Variants in LPIN1 observed in about 807,000 individuals in gnomAD.
LPIN1 encodes the protein lipin 1.
LPIN1 carries 71 observed loss-of-function variants against 107.5 expected under a neutral mutation model. That is an observed-to-expected ratio of 0.66 (90% CI 0.55 to 0.80). LPIN1 has a LOEUF of 0.80. Ranked by LOEUF, LPIN1 falls within the 30% of genes least tolerant of loss-of-function variation. The pLI is 0.00. For synonymous variants in LPIN1, 445 were observed against 452.6 expected (o/e 0.98, Z 0.21); for missense variants, 1,043 against 1,160.6 (o/e 0.90, Z 1.47).
At chr2:11,768,669 G>A (rs567182937) in intron 3 of LPIN1, among the ~76,000 whole-genome samples, 119 of 152,188 alleles carry the variant, frequency 7.8e-4, no homozygotes, top group Admixed American at 2.7e-3. Context: ...GGGCATGGTG[G>A]CTCACGCCTG....
intron 14 of LPIN1, among the ~76,000 whole-genome samples, chr2:11,800,647 T>C (rs546292428): frequency 2.6e-5 from 4 of 152,156 alleles, no homozygotes; most frequent in East Asian, 1.9e-4. Flanking sequence ...TGAACACTTA[T>C]GGGGTCAGAA....
Position 11,765,192 on chromosome 2 carries a change from G to GATGGACAC in LPIN1, c.-9-341_-9-340insATGGACAC, listed in dbSNP as rs1670609787. 6.6e-6 allele frequency among the ~76,000 whole-genome samples: 1 copy of GATGGACAC among 151,538 alleles called. No individual in the cohort carries two copies. The highest frequency in any genetic ancestry group is 2.1e-4 in the South Asian group (1 of 4,792). ...GGGCCGTGATGGACCCTGATGGGCTGTGATGGTCCGTGATGGGCCATGATG... is the reference window on the plus strand; with the variant it reads ...GGGCCGTGATGGACCCTGATGGGCTGATGGACACTGATGGTCCGTGATGGGCCATGATG... On this transcript the variant is annotated intron_variant, in intron 1 of 20. Coordinates refer to ENST00000674199, the MANE Select transcript of LPIN1 (RefSeq NM_001349206.2). The surrounding 1 kb of genome is among the most constrained non-coding windows in gnomAD (Gnocchi z 4.4).
chr2:11,759,203 T>G (rs945623037), intron 1 of LPIN1, among the ~76,000 whole-genome samples: 1 of 150,614 alleles, frequency 6.6e-6, no homozygotes, highest in Non-Finnish European at 1.5e-5. Context: ...TCTTTCTTTC[T>G]TTCTCATTCT....
chr2:11,716,227 C>A (rs1403492311), intron 2 of LPIN1, among the ~76,000 whole-genome samples: 1 of 152,138 alleles, frequency 6.6e-6, no homozygotes, highest in African/African-American at 2.4e-5. Flanking sequence ...GGGCATCAGG[C>A]AGGCTTCCAA....
chr2:11,794,224 T>C (rs567086882), intron 13 of LPIN1, among the ~76,000 whole-genome samples: 489 of 152,344 alleles, frequency 3.2e-3, no homozygotes, highest in Non-Finnish European at 5.5e-3. Context: ...CTGGTTTTCT[T>C]ACTAGAGAGC....
In LPIN1 at chr2:11,787,074, A is replaced by T. The variant is rs1378216409; in HGVS notation, c.1550A>T (p.Asp517Val). The change falls in exon 11 of 21, where the codon GAT (aspartate) becomes GTT (valine). Residue 517 changes from aspartate (D) to valine (V), a missense_variant and splice_region_variant. Transcript: ENST00000674199. ...TGATCCTCTGCAATTGCTGTCACAGATGCATTCCTGGAGCAAGCTGTGTCA... is the reference window on the plus strand; with the variant it reads ...TGATCCTCTGCAATTGCTGTCACAGTTGCATTCCTGGAGCAAGCTGTGTCA... Reference protein sequence around the residue: ...GLSDHREITKDAFLEQAVSYQ... With the variant: ...GLSDHREITKVAFLEQAVSYQ... The T allele has an allele frequency of 6.2e-7, 1 of 1,608,008 alleles. No homozygotes were observed. The highest frequency in any genetic ancestry group is 1.7e-5 in the Admixed American group (1 of 60,028).
intron 7 of LPIN1, among the ~76,000 whole-genome samples, chr2:11,781,788 C>G (rs1053096742): frequency 6.6e-6 from 1 of 152,210 alleles, no homozygotes; most frequent in African/African-American, 2.4e-5. Context: ...CTCAGACTGA[C>G]CCCTCTGCTC....
rs1008114717 is a variant in LPIN1, at chr2:11,787,312, C to T, written c.1643+145C>T. 2.2e-5 allele frequency: 15 copies of T among 666,792 alleles called. No homozygotes were observed. In the African/African-American group the frequency reaches 2.5e-4, roughly 11 times the overall value. The allele number at this position is 666,792 out of a possible 1,614,324, so 41.3% of individuals were successfully genotyped here. A position where few individuals can be genotyped will look rare whatever the true frequency, so the allele number is the denominator to read the frequency against. ...ATTATTGCATTATCTTCACTGTGGT[C>T]AGGGTTCCATGCCAATAGAATTGGC... On this transcript the variant is annotated intron_variant, in intron 11 of 20. Transcript: ENST00000674199.
At chr2:11,693,179 G>T (rs1466774048) in intron 1 of LPIN1, among the ~76,000 whole-genome samples, 1 of 151,582 alleles carries the variant, frequency 6.6e-6, no homozygotes, top group East Asian at 1.9e-4. Flanking sequence ...TGGTCCAAAG[G>T]TCTGTCAGAA....
rs747909000 is a variant in LPIN1 at position 11,826,826 on chromosome 2, T to G, written c.*2035T>G. 3.9e-5 allele frequency: 6 copies of G among 152,308 alleles called. No homozygotes were observed. The highest frequency in any genetic ancestry group is 8.8e-5 in the Non-Finnish European group (6 of 68,036). 9.4% of individuals were successfully genotyped at this position (152,308 alleles called of 1,614,324 possible). On this transcript the variant is annotated 3_prime_UTR_variant, in exon 21 of 21. Coordinates refer to ENST00000674199, the MANE Select transcript of LPIN1 (RefSeq NM_001349206.2). ...GGATGCAATTTTGGATCCCGAATTTTGATGTACCTTAAACTTCCACATCAC... is the reference window on the plus strand; with the variant it reads ...GGATGCAATTTTGGATCCCGAATTTGGATGTACCTTAAACTTCCACATCAC...
At chr2:11,709,000 G>T (rs1281905459) in intron 1 of LPIN1, among the ~76,000 whole-genome samples, 1 of 152,058 alleles carries the variant, frequency 6.6e-6, no homozygotes, top group African/African-American at 2.4e-5. Flanking sequence ...TAAATGAATT[G>T]CTCAAGACCA....
At chr2:11,717,718 T>G (rs1244729549) in intron 2 of LPIN1, among the ~76,000 whole-genome samples, 1 of 152,000 alleles carries the variant, frequency 6.6e-6, no homozygotes, top group Non-Finnish European at 1.5e-5. Context: ...TCTAAGAGCA[T>G]TAGAAATAAT....
intron 1 of LPIN1, among the ~76,000 whole-genome samples, chr2:11,683,610 G>T (rs1313104279): frequency 6.6e-6 from 1 of 152,202 alleles, no homozygotes; most frequent in Admixed American, 6.5e-5. Flanking sequence ...GCCCTTCTTT[G>T]TCCCTGCCTC....
chr2:11,824,671 G>A lies in LPIN1; in HGVS notation c.2661G>A (p.Pro887=), dbSNP rs114931326. 1.3e-3 allele frequency: 2,168 copies of A among 1,614,032 alleles called. 3 individuals are homozygous for A. The highest frequency in any genetic ancestry group is 1.7e-3 in the Non-Finnish European group (2,056 of 1,180,002). ...RLCEVVDHVF[P]LLKRSHSSDF... ...GTGAAGTAGTCGACCACGTTTTCCC[G>A]TTGCTGAAAAGAAGCCATTCTTCAG... is the stretch of plus-strand genomic sequence containing the variant. The change falls in exon 21 of 21, where the codon CCG becomes CCA. Residue 887 remains proline, a synonymous_variant. Transcript: ENST00000674199.
At chr2:11,804,253 CG>C (rs1454994186) in intron 15 of LPIN1, among the ~76,000 whole-genome samples, 169 bp from the exon 16 acceptor site, 1 of 152,036 alleles carries the variant, frequency 6.6e-6, no homozygotes, top group African/African-American at 2.4e-5. Flanking sequence ...TGTCCAGCCC[CG>C]GAAAGAACCA....
intron 9 of LPIN1, 96 bp downstream of exon 9, chr2:11,784,018 A>C: frequency 6.3e-7 from 1 of 1,598,896 alleles, no homozygotes; most frequent in Non-Finnish European, 8.5e-7. Flanking sequence ...GAAAGTGTGC[A>C]AGACAGCTGG....
exon 1 of LPIN1, chr2:11,677,614 G>C (rs1313936178): frequency 6.8e-7 from 1 of 1,471,494 alleles, no homozygotes; most frequent in Non-Finnish European, 9.2e-7. Flanking sequence ...CTGATGCTGG[G>C]TGAGGAGGCA....
rs946253390 is a variant in LPIN1, at chr2:11,765,151, C to A, written c.-9-382C>A. Among the ~76,000 whole-genome samples, 1 of 151,274 alleles carries A rather than the reference C, an allele frequency of 6.6e-6. No individual in the cohort carries two copies. The highest frequency in any genetic ancestry group is 2.4e-5 in the African/African-American group (1 of 41,076). ...TGGGCCGTAATGGGCCATGATGGAC[C>A]GTGATGGGCCGTAACGGGCCGTGAT... On this transcript the variant is annotated intron_variant, in intron 1 of 20. Transcript: ENST00000674199. The surrounding 1 kb of genome is among the most constrained non-coding windows in gnomAD (Gnocchi z 4.4).
chr2:11,739,781 A>G (rs1666149674), intron 1 of LPIN1, among the ~76,000 whole-genome samples: 1 of 152,268 alleles, frequency 6.6e-6, no homozygotes, highest in Admixed American at 6.5e-5. Context: ...AGAAAAATCA[A>G]TCAATATAAA....
Sources: gnomAD v4.1 joint callset for allele counts (sites outside exome capture counted in the v4.1 genomes callset) on GRCh38, gnomAD v4.1.1 for gene constraint, Gnocchi (gnomAD v3.1) non-coding constraint, MANE v1.5 for transcripts, NCBI Gene and HGNC (gene_info 2026-07-23, HGNC 2026-07-21) for gene names.